Variants in TNFRSF12A observed in about 807,000 individuals in gnomAD.
TNFRSF12A encodes the protein TNF receptor superfamily member 12A, also known as tumor necrosis factor receptor superfamily member 12A.
Under a neutral mutation model 15.5 loss-of-function variants are expected in TNFRSF12A, and 13 were observed. The observed-to-expected ratio is 0.84, with a 90% confidence interval of 0.54 to 1.33. The LOEUF is 1.33. Among genes scored for constraint, TNFRSF12A ranks in the 40% most tolerant of loss-of-function variants. The probability of loss-of-function intolerance (pLI) is 0.00; values close to 1 mark genes in which losing one functional copy is unlikely to be tolerated. For missense variants in TNFRSF12A, 174 were observed against 173.6 expected (o/e 1.00, Z -0.01); for synonymous variants, 89 against 78.4 (o/e 1.14, Z -0.71).
intron 2 of TNFRSF12A, 64 bp from the exon 3 acceptor site, chr16:3,021,491 T>G: frequency 2.0e-6 from 3 of 1,482,016 alleles, no homozygotes; most frequent in Non-Finnish European, 2.7e-6. Context: ...GGCAGAAGGC[T>G]CAGTCTTAGG....
At position 3,020,437 on chromosome 16, in the gene TNFRSF12A, G is replaced by T. The variant is rs748317258; in HGVS notation, c.40G>T (p.Val14Leu). 70 of 1,293,594 alleles carry T rather than the reference G, an allele frequency of 5.4e-5. No homozygotes were observed. In the East Asian group the frequency reaches 1.8e-3, roughly 33 times the overall value. 80.1% of individuals were successfully genotyped at this position (1,293,594 alleles called of 1,614,324 possible). Residue 14 changes from valine to leucine, a missense_variant, in exon 1 of 4, where the codon GTG (valine) becomes TTG (leucine). By Grantham distance (32) the Val-to-Leu change is conservative. Coordinates refer to ENST00000326577, the MANE Select transcript of TNFRSF12A (RefSeq NM_016639.3). ...GCTGCGCCGGTTGCTGCGGCTCCTC[G>T]TGCTGGGGCTCTGGCTGGCGTTGCT... The part of the protein sequence containing the change: ...GSLRRLLRLL[V>L]LGLWLALLRS...
chr16:3,020,973 G>A (rs934940055), intron 1 of TNFRSF12A: 5 of 491,158 alleles, frequency 1.0e-5, no homozygotes, highest in Non-Finnish European at 1.8e-5. Flanking sequence ...CCGGTGCCCA[G>A]GAGTGAGTCA....
At chr16:3,021,169 T>G in intron 1 of TNFRSF12A, 46 bp from the exon 2 acceptor site, 2 of 1,064,178 alleles carry the variant, frequency 1.9e-6, no homozygotes, top group Non-Finnish European at 2.7e-6. Flanking sequence ...GACCCCAGAA[T>G]AGCCGAGTCC....
Position 3,021,563 on chromosome 16 carries a change from G to A in TNFRSF12A, c.208G>A (p.Ala70Thr), listed in dbSNP as rs771540203. Residue 70 changes from alanine to threonine, a missense_variant, in exon 3 of 4, where the codon GCA becomes ACA. Ala to Thr is a moderately conservative substitution (Grantham distance 58). Coordinates refer to ENST00000326577, the MANE Select transcript of TNFRSF12A (RefSeq NM_016639.3). The stretch of plus-strand genomic sequence containing the variant: ...CCGAGTCCCGCCCCCAGGCGCTGCA[G>A]CACCTCCTGCCCCCTTCCGGCTGCT... ...HSDFCLGCAA[A>T]PPAPFRLLWP... 3.3e-5 allele frequency: 53 copies of A among 1,607,808 alleles called. No homozygotes were observed. The South Asian group carries it at 5.7e-4, about 17-fold the overall frequency.
Position 3,021,299 on chromosome 16 carries a change from ACAGCG to A in TNFRSF12A, c.180_184del (p.His60GlnfsTer112). On this transcript the variant is annotated frameshift_variant, in exon 2 of 4. Coordinates refer to ENST00000326577, the MANE Select transcript of TNFRSF12A (RefSeq NM_016639.3). LOFTEE classifies it high-confidence loss of function. ...TGCGCGTCTTGCAGGGCGCGACCGCACAGCGACTTCTGCCTGGGCTGTGAGTGGGG... is the reference window on the plus strand; with the variant it reads ...TGCGCGTCTTGCAGGGCGCGACCGCAACTTCTGCCTGGGCTGTGAGTGGGG... The A allele has an allele frequency of 1.9e-6, 3 of 1,585,934 alleles. No homozygotes were observed. Among genetic ancestry groups the A allele is most frequent in the Non-Finnish European group, 2.6e-6 (3 of 1,171,616 alleles).
chr16:3,021,873 A>G lies in TNFRSF12A; in HGVS notation c.*47A>G. ...GGGCTCGCCCACTCATCATTCATTC[A>G]TCCATTCTAGAGCCAGTCTCTGCCT... On this transcript the variant is annotated 3_prime_UTR_variant, in exon 4 of 4. Transcript: ENST00000326577. The G allele has an allele frequency of 1.9e-6, 3 of 1,597,786 alleles. No homozygotes were observed. The highest frequency in any genetic ancestry group is 2.6e-6 in the Non-Finnish European group (3 of 1,173,082).
intron 2 of TNFRSF12A, 95 bp from the exon 3 acceptor site, chr16:3,021,460 A>G: frequency 6.9e-7 from 1 of 1,444,890 alleles, no homozygotes; most frequent in Non-Finnish European, 9.1e-7. Flanking sequence ...CCGGTCAGGG[A>G]GGAGGCCACG....
At position 3,021,174 on chromosome 16, in the gene TNFRSF12A, G is replaced by A. The variant is rs1596470036; in HGVS notation, c.95-41G>A. The A allele has an allele frequency of 4.5e-6, 5 of 1,120,412 alleles. No individual in the cohort carries two copies. In the South Asian group the frequency reaches 4.6e-5, roughly 10 times the overall value. 69.4% of individuals were successfully genotyped at this position (1,120,412 alleles called of 1,614,324 possible). A position where few individuals can be genotyped will look rare whatever the true frequency, so the allele number is the denominator to read the frequency against. On this transcript the variant is annotated intron_variant, in intron 1 of 3. Transcript: ENST00000326577. ...CCTGACCTCAGACCCCAGAATAGCC[G>A]AGTCCCGCCCCCAGCCTCTGACCCG...
Position 3,021,536 on chromosome 16 carries a change from C to T in TNFRSF12A, c.200-19C>T, listed in dbSNP as rs751723526. On this transcript the variant is annotated intron_variant, in intron 2 of 3. Transcript: ENST00000326577. ...TGGCCTGGAGAGGGGCGAGGTCTGA[C>T]TCCGAGTCCCGCCCCCAGGCGCTGC... 2 of 1,577,548 alleles carry T rather than the reference C, an allele frequency of 1.3e-6. No homozygotes were observed. The highest frequency in any genetic ancestry group is 1.4e-5 in the African/African-American group (1 of 73,070).
Position 3,021,823 on chromosome 16 carries a change from G to A in TNFRSF12A, c.387G>A (p.Gln129=). 1 of 1,612,832 alleles carries A rather than the reference G, an allele frequency of 6.2e-7. No homozygotes were observed. The highest frequency in any genetic ancestry group is 8.5e-7 in the Non-Finnish European group (1 of 1,179,728). The change falls in exon 4 of 4, where the codon CAG becomes CAA. Residue 129 remains glutamine, a synonymous_variant. Coordinates refer to ENST00000326577, the MANE Select transcript of TNFRSF12A (RefSeq NM_016639.3). ...GCTGCCCAGCTGTGGCGCTGATCCA[G>A]TGACAATGTGCCCCCTGCCAGCCGG... The part of the protein sequence containing the change: ...GEGCPAVALI[Q]
intron 1 of TNFRSF12A, 49 bp from the exon 2 acceptor site, chr16:3,021,166 G>T: frequency 9.5e-7 from 1 of 1,050,144 alleles, no homozygotes; most frequent in East Asian, 2.7e-5. Context: ...TCAGACCCCA[G>T]AATAGCCGAG....
chr16:3,021,092 C>T, intron 1 of TNFRSF12A, 123 bp from the exon 2 acceptor site: 3 of 568,826 alleles, frequency 5.3e-6, no homozygotes, highest in Non-Finnish European at 9.1e-6. Context: ...CGTGCGGTCA[C>T]CTGTGAGGAA....
intron 2 of TNFRSF12A, 88 bp downstream of exon 2, chr16:3,021,407 T>G (rs2072610149): frequency 7.0e-7 from 1 of 1,426,074 alleles, no homozygotes; most frequent in African/African-American, 1.4e-5. Context: ...GAGCTTTGCA[T>G]CTGGGAAATC....
intron 1 of TNFRSF12A, chr16:3,020,784 C>T: frequency 7.5e-6 from 3 of 399,940 alleles, no homozygotes; most frequent in Non-Finnish European, 1.3e-5. Context: ...GATGTTTAGT[C>T]TAGGAAGGGG....
At chr16:3,021,370 G>A in intron 2 of TNFRSF12A, 51 bp downstream of exon 2, 1 of 1,480,096 alleles carries the variant, frequency 6.8e-7, no homozygotes, top group Admixed American at 2.3e-5. Flanking sequence ...TGGGAGGGAG[G>A]GTGGCTGGTG....
chr16:3,021,014 T>C, intron 1 of TNFRSF12A: 1 of 495,968 alleles, frequency 2.0e-6, no homozygotes, highest in South Asian at 3.2e-5. Context: ...TGTGGGGACC[T>C]GACCCCCCCC....
At chr16:3,021,025 A>C (rs2072605696) in intron 1 of TNFRSF12A, 190 bp from the exon 2 acceptor site, 3 of 471,044 alleles carry the variant, frequency 6.4e-6, no homozygotes, top group East Asian at 3.5e-5. Flanking sequence ...GACCCCCCCC[A>C]CCCCCAGCGT....
At chr16:3,020,928 G>A in intron 1 of TNFRSF12A, 1 of 474,358 alleles carries the variant, frequency 2.1e-6, no homozygotes, top group East Asian at 3.5e-5. Flanking sequence ...TGACTTCAGT[G>A]CCCAGCTATG....
rs2072608500 is a variant in TNFRSF12A at position 3,021,274 on chromosome 16, T to G, written c.154T>G (p.Cys52Gly). 3 of 1,591,362 alleles carry G rather than the reference T, an allele frequency of 1.9e-6. No homozygotes were observed. The highest frequency in any genetic ancestry group is 1.7e-6 in the Non-Finnish European group (2 of 1,173,752). Reference sequence around the variant, plus strand: ...CGCGGACCTGGACAAGTGCATGGACTGCGCGTCTTGCAGGGCGCGACCGCA... The same window carrying G: ...CGCGGACCTGGACAAGTGCATGGACGGCGCGTCTTGCAGGGCGCGACCGCA... ...WSADLDKCMD[C>G]ASCRARPHSD... is the part of the protein sequence containing the mutation. Residue 52 changes from cysteine (C) to glycine (G), a missense_variant, in exon 2 of 4, where the codon TGC (cysteine) becomes GGC (glycine). Physicochemically the swap from Cys to Gly is radical, Grantham distance 159 (BLOSUM62 -3). Transcript: ENST00000326577.
Sources: allele counts gnomAD v4.1 joint callset, GRCh38; gene constraint gnomAD v4.1.1; transcripts MANE v1.5; gene names NCBI Gene and HGNC (gene_info 2026-07-23, HGNC 2026-07-21).